The following IFT140 variants were observed in gnomAD, a reference collection of about 807,000 sequenced individuals.
The protein encoded by IFT140 is intraflagellar transport 140.
Under a neutral mutation model 164.6 loss-of-function variants are expected in IFT140, and 133 were observed. That is an observed-to-expected ratio of 0.81 (90% CI 0.70 to 0.93). The LOEUF (loss-of-function observed/expected upper bound fraction) is 0.93, where lower values mean the gene tolerates loss of function less well. IFT140 is among the 40% of genes least tolerant of loss of function. The pLI is 0.00. For synonymous variants in IFT140, 860 were observed against 817.3 expected, an observed-to-expected ratio of 1.05 and a Z score of -0.89; for missense variants, 2,045 against 1,972.3, an observed-to-expected ratio of 1.04 and a Z score of -0.70.
intron 4 of IFT140, among the ~76,000 whole-genome samples, chr16:1,598,630 C>CTA (rs1283892611): frequency 6.6e-6 from 1 of 152,272 alleles, no homozygotes; most frequent in Non-Finnish European, 1.5e-5. Flanking sequence ...ACGCAACTCT[C>CTA]TAGGGAGAGA....
intron 19 of IFT140, among the ~76,000 whole-genome samples, chr16:1,549,962 G>A (rs1015491801): frequency 1.3e-5 from 2 of 152,108 alleles, no homozygotes; most frequent in African/African-American, 4.8e-5. Context: ...TACATTCTGA[G>A]TCTTTTTTTC....
chr16:1,573,463 C>T (rs2141658786), intron 13 of IFT140, among the ~76,000 whole-genome samples: 1 of 143,954 alleles, frequency 6.9e-6, no homozygotes, highest in Non-Finnish European at 1.5e-5. Context: ...CAGCTCCTGA[C>T]CTCCAGAGCT....
At chr16:1,514,920 AAAT>A (rs1444320613) in intron 30 of IFT140, among the ~76,000 whole-genome samples, 2 of 152,174 alleles carry the variant, frequency 1.3e-5, no homozygotes, top group African/African-American at 4.8e-5. Context: ...TTTAGCCAAT[AAAT>A]AATAAAAAGA....
intron 13 of IFT140, 63 bp downstream of exon 13, chr16:1,580,696 C>T: frequency 9.1e-7 from 1 of 1,102,042 alleles, no homozygotes; most frequent in Non-Finnish European, 1.4e-6. Flanking sequence ...CAGGCTTTGT[C>T]TCAATTGAGA....
chr16:1,598,112 A>G (rs1405336526), intron 4 of IFT140, among the ~76,000 whole-genome samples: 1 of 152,220 alleles, frequency 6.6e-6, no homozygotes, highest in East Asian at 1.9e-4. Flanking sequence ...AAAATCATCC[A>G]GAAGAAGGGA....
rs774563994 is a variant in IFT140 at position 1,525,271 on chromosome 16, G to C, written c.2824C>G (p.Leu942Val). 81 of 1,612,866 alleles carry C rather than the reference G, an allele frequency of 5.0e-5. No individual in the cohort carries two copies. Among genetic ancestry groups the C allele is most frequent in the Non-Finnish European group, 2.5e-5 (30 of 1,179,952 alleles). Residue 942 changes from leucine to valine, a missense_variant, in exon 22 of 31, where the codon CTG becomes GTG. Coordinates refer to ENST00000426508, the MANE Select transcript of IFT140 (RefSeq NM_014714.4). ...FEVPRMLSED[L>V]PSLELYVNKM... Reference sequence around the variant, plus strand: ...TTCACGTAGAGCTCCAGGGACGGCAGGTCCTCCGACAGCATCCTGGGCACC... The same window carrying C: ...TTCACGTAGAGCTCCAGGGACGGCACGTCCTCCGACAGCATCCTGGGCACC...
intron 7 of IFT140, among the ~76,000 whole-genome samples, 181 bp from the exon 8 acceptor site, chr16:1,588,205 A>G (rs926595361): frequency 7.9e-5 from 12 of 152,160 alleles, no homozygotes; most frequent in Non-Finnish European, 1.8e-4. Context: ...TAGGGGCCGA[A>G]GCAAACCACT....
intron 15 of IFT140, 97 bp downstream of exon 15, chr16:1,568,120 T>C: frequency 2.5e-6 from 2 of 815,236 alleles, no homozygotes; most frequent in Non-Finnish European, 2.0e-6. Flanking sequence ...CAGGAAGACT[T>C]GCACAGGAGG....
rs768368027 is a variant in IFT140, at chr16:1,589,715, G to C, written c.700C>G (p.Gln234Glu). 2.5e-6 allele frequency: 4 copies of C among 1,614,136 alleles called. No individual in the cohort carries two copies. In the East Asian group the frequency reaches 8.9e-5, roughly 36 times the overall value. Residue 234 changes from glutamine to glutamate, a missense_variant, in exon 7 of 31, where the codon CAG becomes GAG. Gln to Glu is a conservative substitution (Grantham distance 29, BLOSUM62 2). Transcript: ENST00000426508. ...CTCTTCTCCATGTAGAACAGCATCT[G>C]AATCGTGCTGTCTGCGGACACCACC... ...TQVVSADSTI[Q>E]MLFYMEKREA...
chr16:1,530,240 C>T (rs1292297679), intron 19 of IFT140, among the ~76,000 whole-genome samples: 1 of 145,528 alleles, frequency 6.9e-6, no homozygotes, highest in African/African-American at 2.5e-5. Flanking sequence ...CCGAGTGATT[C>T]TCCTGCCTCA....
chr16:1,599,658 T>C (rs1226651730), intron 4 of IFT140, among the ~76,000 whole-genome samples: 2 of 23,206 alleles, frequency 8.6e-5, no homozygotes, highest in Admixed American at 4.2e-4. Context: ...GTGGGGGGGG[T>C]CAGCCCCCCC....
At chr16:1,595,925 C>T (rs965162286) in intron 4 of IFT140, among the ~76,000 whole-genome samples, 20 of 151,808 alleles carry the variant, frequency 1.3e-4, no homozygotes, top group African/African-American at 2.9e-4. Flanking sequence ...TGATGGTGCA[C>T]GCCTGCTGTA....
At chr16:1,586,347 C>G in intron 9 of IFT140, 72 bp from the exon 10 acceptor site, 1 of 1,460,322 alleles carries the variant, frequency 6.8e-7, no homozygotes. Context: ...GCTCTGTTCT[C>G]TAACCCCCTT....
intron 19 of IFT140, among the ~76,000 whole-genome samples, chr16:1,542,523 C>G (rs2076446): frequency 6.6e-6 from 1 of 152,068 alleles, no homozygotes; most frequent in African/African-American, 2.4e-5. Flanking sequence ...AGCTAAGAGG[C>G]CTAGAACAGG....
Position 1,589,594 on chromosome 16 carries a change from C to G in IFT140, c.810+11G>C. On this transcript the variant is annotated intron_variant, in intron 7 of 30. Transcript: ENST00000426508. ...TCCCCAGCGTGAGCCCCCAAGCCCACTCCCACTCACCTTCATCACTTCTTC... is the reference window on the plus strand; with the variant it reads ...TCCCCAGCGTGAGCCCCCAAGCCCAGTCCCACTCACCTTCATCACTTCTTC... 1 of 1,611,136 alleles carries G rather than the reference C, an allele frequency of 6.2e-7. No individual in the cohort carries two copies. The highest frequency in any genetic ancestry group is 1.1e-5 in the South Asian group (1 of 90,992).
rs754338217 is a variant in IFT140, at chr16:1,525,938, C to T, written c.2717G>A (p.Arg906His). The change falls in exon 21 of 31, where the codon CGC becomes CAC. Residue 906 changes from arginine (R) to histidine (H), a missense_variant. By Grantham distance (29) the Arg-to-His change is conservative. Coordinates refer to ENST00000426508, the MANE Select transcript of IFT140 (RefSeq NM_014714.4). ...DRVHLRSTYH[R>H]YAGHLEASAD... ...GCTGGCCTCCAGGTGCCCGGCATAGCGGTGGTAGGTGCTGCGCAGGTGCAC... is the reference window on the plus strand; with the variant it reads ...GCTGGCCTCCAGGTGCCCGGCATAGTGGTGGTAGGTGCTGCGCAGGTGCAC... The T allele has an allele frequency of 1.9e-5, 30 of 1,575,580 alleles. No individual in the cohort carries two copies. In the East Asian group the frequency reaches 3.3e-4, roughly 17 times the overall value.
chr16:1,588,592 C>T (rs926698488), intron 7 of IFT140, among the ~76,000 whole-genome samples: 6 of 150,538 alleles, frequency 4.0e-5, no homozygotes, highest in South Asian at 2.1e-4. Context: ...AGGTGGCCAT[C>T]GGTGGACATG....
chr16:1,573,505 A>G (rs2034125184), intron 13 of IFT140, among the ~76,000 whole-genome samples: 1 of 152,032 alleles, frequency 6.6e-6, no homozygotes, highest in South Asian at 2.1e-4. Flanking sequence ...GACACCCCTA[A>G]GGGCTCTCCA....
chr16:1,514,159 G>A (rs2040273499), intron 30 of IFT140: 2 of 151,086 alleles, frequency 1.3e-5, no homozygotes, highest in African/African-American at 4.9e-5. Context: ...ACGAGGTCAG[G>A]AGATCGAGAC....
Sources: gnomAD v4.1 joint callset for allele counts (sites outside exome capture counted in the v4.1 genomes callset) on GRCh38, gnomAD v4.1.1 for gene constraint, MANE v1.5 for transcripts, NCBI Gene and HGNC (gene_info 2026-07-23, HGNC 2026-07-21) for gene names.